Variants in CNTN4 observed in about 807,000 individuals in gnomAD.
The protein encoded by CNTN4 is contactin 4.
In CNTN4, 77 loss-of-function variants were observed where a neutral mutation model predicts 122.5. The observed-to-expected ratio is 0.63, with a 90% confidence interval of 0.52 to 0.76. The LOEUF (loss-of-function observed/expected upper bound fraction) is 0.76, where lower values mean the gene tolerates loss of function less well. Ranked by LOEUF, CNTN4 falls within the 30% of genes least tolerant of loss-of-function variation. CNTN4 has a pLI of 0.00. For missense variants in CNTN4, 1,256 were observed against 1,259.1 expected, an observed-to-expected ratio of 1.00 and a Z score of 0.04; for synonymous variants, 512 against 447.0, an observed-to-expected ratio of 1.15 and a Z score of -1.83.
intron 6 of CNTN4, among the ~76,000 whole-genome samples, chr3:2,804,921 T>C (rs964329699): frequency 2.0e-5 from 3 of 152,094 alleles, no homozygotes; most frequent in Non-Finnish European, 4.4e-5. Context: ...ACGCCTGTAA[T>C]CCCAACACTT....
At chr3:2,719,945 A>G (rs921705410) in intron 4 of CNTN4, among the ~76,000 whole-genome samples, 4 of 152,172 alleles carry the variant, frequency 2.6e-5, no homozygotes, top group Non-Finnish European at 5.9e-5. Context: ...TTGTTTGTTC[A>G]TTAACTCATT....
At chr3:2,109,279 G>A (rs951202627) in intron 2 of CNTN4, among the ~76,000 whole-genome samples, 1 of 151,972 alleles carries the variant, frequency 6.6e-6, no homozygotes, top group African/African-American at 2.4e-5. Flanking sequence ...GCATTTGGGG[G>A]ACCAAAATGC....
At chr3:2,754,222 A>G (rs1165868074) in intron 6 of CNTN4, among the ~76,000 whole-genome samples, 1 of 152,190 alleles carries the variant, frequency 6.6e-6, no homozygotes. Flanking sequence ...CAAACTGATT[A>G]CTTTATAAAC....
intron 3 of CNTN4, among the ~76,000 whole-genome samples, chr3:2,538,069 A>G (rs745906816): frequency 1.3e-5 from 2 of 152,100 alleles, no homozygotes; most frequent in Non-Finnish European, 1.5e-5. Flanking sequence ...GATATCATAT[A>G]GAAGTATGGT....
chr3:2,998,123 A>G (rs1695693380), intron 14 of CNTN4, among the ~76,000 whole-genome samples: 2 of 152,116 alleles, frequency 1.3e-5, no homozygotes, highest in Admixed American at 1.3e-4. Flanking sequence ...ATCTGCCTCC[A>G]TTGGCTTTGT....
intron 6 of CNTN4, among the ~76,000 whole-genome samples, chr3:2,805,500 T>C (rs1237923993): frequency 2.0e-5 from 3 of 152,138 alleles, no homozygotes; most frequent in African/African-American, 7.2e-5. Flanking sequence ...TGGCTCATAT[T>C]TTTGAAACCC....
chr3:2,875,209 C>G (rs2093829885), intron 8 of CNTN4, among the ~76,000 whole-genome samples: 1 of 152,132 alleles, frequency 6.6e-6, no homozygotes, highest in Admixed American at 6.5e-5. Context: ...TCTCGAACTT[C>G]TGACCTCAAG....
At chr3:2,342,467 A>G (rs1272341878) in intron 3 of CNTN4, among the ~76,000 whole-genome samples, 1 of 152,188 alleles carries the variant, frequency 6.6e-6, no homozygotes, top group African/African-American at 2.4e-5. Flanking sequence ...CATATATTAT[A>G]TGATTCCATG....
At chr3:2,737,680 C>G (rs1358581738) in intron 5 of CNTN4, among the ~76,000 whole-genome samples, 1 of 152,142 alleles carries the variant, frequency 6.6e-6, no homozygotes, top group African/African-American at 2.4e-5. Context: ...TGTTAATAAA[C>G]TACAAGTATG....
At chr3:2,959,296 T>C (rs2094829815) in intron 13 of CNTN4, among the ~76,000 whole-genome samples, 1 of 152,196 alleles carries the variant, frequency 6.6e-6, no homozygotes, top group South Asian at 2.1e-4. Flanking sequence ...AGATAATGTT[T>C]TCAGAGCAAG....
intron 2 of CNTN4, among the ~76,000 whole-genome samples, chr3:2,124,794 T>C (rs181864456): frequency 6.6e-6 from 1 of 152,200 alleles, no homozygotes; most frequent in East Asian, 1.9e-4. Flanking sequence ...AAAAGCAGCT[T>C]GATTGAAGTG....
At chr3:2,480,713 A>G (rs1242353865) in intron 3 of CNTN4, among the ~76,000 whole-genome samples, 5 of 152,222 alleles carry the variant, frequency 3.3e-5, no homozygotes, top group Admixed American at 2.0e-4. Context: ...TGCAGTCCCA[A>G]TCAAAATCCC....
In CNTN4 at chr3:2,286,222, T is replaced by C. The variant is rs567185138; in HGVS notation, c.-144-52956T>C. Among the ~76,000 whole-genome samples the C allele has an allele frequency of 6.4e-3, 619 of 97,046 alleles. 3 individuals are homozygous for C. Among genetic ancestry groups the C allele is most frequent in the Middle Eastern group, 0.022 (3 of 136 alleles). 63.7% of individuals were successfully genotyped at this position (97,046 alleles called of 152,430 possible). A position where few individuals can be genotyped will look rare whatever the true frequency, so the allele number is the denominator to read the frequency against. Reference sequence around the variant, plus strand: ...GGATCTCCTGCCGTGTGTGTGTGTGTGCATACACCCCCTGCCCCCCCCACA... The same window carrying C: ...GGATCTCCTGCCGTGTGTGTGTGTGCGCATACACCCCCTGCCCCCCCCACA... On this transcript the variant is annotated intron_variant, in intron 2 of 24. Coordinates refer to ENST00000418658, the MANE Select transcript of CNTN4 (RefSeq NM_175607.3).
chr3:2,337,307 G>T (rs1280845371), intron 2 of CNTN4, among the ~76,000 whole-genome samples: 1 of 152,010 alleles, frequency 6.6e-6, no homozygotes, highest in African/African-American at 2.4e-5. Flanking sequence ...TTCTATAATG[G>T]GCAAGTATTT....
At chr3:2,408,127 A>G (rs1208092635) in intron 3 of CNTN4, among the ~76,000 whole-genome samples, 1 of 152,236 alleles carries the variant, frequency 6.6e-6, no homozygotes, top group South Asian at 2.1e-4. Context: ...GTCATACAGT[A>G]TATGACCAAG....
chr3:3,054,503 A>G (rs1028587896), intron 24 of CNTN4, among the ~76,000 whole-genome samples: 12 of 152,242 alleles, frequency 7.9e-5, no homozygotes, highest in African/African-American at 2.9e-4. Flanking sequence ...ATGTTGTTGA[A>G]TAGCATGGGA....
chr3:2,711,912 T>C (rs2087173826), intron 4 of CNTN4, among the ~76,000 whole-genome samples: 1 of 152,234 alleles, frequency 6.6e-6, no homozygotes, highest in Non-Finnish European at 1.5e-5. Context: ...ACAAATATTT[T>C]TGAGCATATG....
At chr3:2,304,777 A>G (rs1335894097) in intron 2 of CNTN4, among the ~76,000 whole-genome samples, 1 of 150,292 alleles carries the variant, frequency 6.7e-6, no homozygotes, top group Non-Finnish European at 1.5e-5. Flanking sequence ...ATAAATTACA[A>G]TGGAGCTTTT....
chr3:2,643,896 C>A (rs1176267059), intron 4 of CNTN4, among the ~76,000 whole-genome samples: 1 of 152,158 alleles, frequency 6.6e-6, no homozygotes, highest in Non-Finnish European at 1.5e-5. Context: ...CTGCTTCCTC[C>A]CTTTCATTCA....
Sources: gnomAD v4.1 joint callset for allele counts (sites outside exome capture counted in the v4.1 genomes callset) on GRCh38, gnomAD v4.1.1 for gene constraint, MANE v1.5 for transcripts, NCBI Gene and HGNC (gene_info 2026-07-23, HGNC 2026-07-21) for gene names.